Variants in HUS1 observed in about 807,000 individuals in gnomAD.
HUS1 encodes checkpoint protein HUS1.
A neutral mutation model predicts 32.6 loss-of-function variants in HUS1; 31 were observed. That is an observed-to-expected ratio of 0.95 (90% CI 0.72 to 1.28). The LOEUF is 1.28. Ranked by LOEUF, HUS1 falls within the 50% of genes most tolerant of loss-of-function variation. The probability of loss-of-function intolerance (pLI) is 0.00; values close to 1 mark genes in which losing one functional copy is unlikely to be tolerated. For missense variants in HUS1, 340 were observed against 337.7 expected (o/e 1.01, Z -0.05); for synonymous variants, 123 against 116.6 (o/e 1.06, Z -0.36).
At chr7:47,965,515 TTCCC>T in intron 7 of HUS1, 77 bp from the exon 8 acceptor site, 1 of 1,013,884 alleles carries the variant, frequency 9.9e-7, no homozygotes, top group Non-Finnish European at 1.5e-6. Context: ...CAGAACAGCC[TTCCC>T]AGCCTGCACC....
intron 5 of HUS1, among the ~76,000 whole-genome samples, chr7:47,975,269 G>C (rs1788677139): frequency 6.8e-6 from 1 of 147,968 alleles, no homozygotes; most frequent in Non-Finnish European, 1.5e-5. Context: ...AGTGAGGTGA[G>C]ATGGCGCCAT....
intron 7 of HUS1, among the ~76,000 whole-genome samples, chr7:47,966,510 C>T (rs546082032): frequency 6.6e-6 from 1 of 152,086 alleles, no homozygotes; most frequent in South Asian, 2.1e-4. Flanking sequence ...AGCGCAGGGG[C>T]CCCCCACACC....
intron 5 of HUS1, chr7:47,971,605 A>G (rs1788602235): frequency 2.2e-6 from 1 of 455,368 alleles, no homozygotes; most frequent in South Asian, 1.6e-5. Context: ...ATTTCCTCCT[A>G]AAAGAACCAG....
intron 4 of HUS1, 144 bp from the exon 5 acceptor site, chr7:47,975,831 T>C (rs1008064824): frequency 7.0e-6 from 4 of 571,730 alleles, no homozygotes; most frequent in Non-Finnish European, 1.2e-5. Flanking sequence ...ATAAAGTTCT[T>C]TTAAAAATAT....
At chr7:47,968,953 T>C in intron 6 of HUS1, 1 of 337,772 alleles carries the variant, frequency 3.0e-6, no homozygotes, top group Non-Finnish European at 5.3e-6. Context: ...TCTTGGAGGT[T>C]ATGTAACTTG....
At position 47,974,694 on chromosome 7, in the gene HUS1, A is replaced by T. The variant is rs571179234; in HGVS notation, c.540+919T>A. 9.2e-5 allele frequency among the ~76,000 whole-genome samples: 14 copies of T among 151,804 alleles called. No homozygotes were observed. In the South Asian group the frequency reaches 2.3e-3, roughly 25 times the overall value. ...ATAGGAGGGAGCAGGGGGAGGAGGG[A>T]GGGGCAGTGAGTGAAGGAAGAATTC... On this transcript the variant is annotated intron_variant, in intron 5 of 7. Coordinates refer to ENST00000258774, the MANE Select transcript of HUS1 (RefSeq NM_004507.4).
intron 7 of HUS1, among the ~76,000 whole-genome samples, chr7:47,967,349 T>TA (rs1466358734): frequency 1.3e-5 from 2 of 152,064 alleles, no homozygotes; most frequent in East Asian, 1.9e-4. Flanking sequence ...AAGGGACAGA[T>TA]ATGGGGCAGC....
Position 47,965,188 on chromosome 7 carries a change from A to C in HUS1, c.*168T>G, listed in dbSNP as rs1487927881. 5.6e-6 allele frequency: 3 copies of C among 531,708 alleles called. No individual in the cohort carries two copies. The highest frequency in any genetic ancestry group is 1.0e-5 in the Non-Finnish European group (3 of 293,646). 32.9% of individuals were successfully genotyped at this position (531,708 alleles called of 1,614,324 possible). On this transcript the variant is annotated 3_prime_UTR_variant, in exon 8 of 8. Transcript: ENST00000258774. ...CAACATGAAGTGATATGTTTATCCA[A>C]CTGTGTGTTGTTGAATCAACTTTTA... is the stretch of plus-strand genomic sequence containing the variant.
chr7:47,975,562 G>A (rs1187021755), intron 5 of HUS1, 51 bp downstream of exon 5: 7 of 1,220,050 alleles, frequency 5.7e-6, no homozygotes, highest in African/African-American at 1.5e-5. Context: ...GAGAACCCAC[G>A]CCGTCCCACC....
chr7:47,966,129 A>G (rs1440503925), intron 7 of HUS1, among the ~76,000 whole-genome samples: 2 of 51,032 alleles, frequency 3.9e-5, no homozygotes, highest in African/African-American at 2.6e-4. Flanking sequence ...CAGAAAGGAC[A>G]AGCAGGAGAC....
rs1397613732 is a variant in HUS1 at position 47,979,452 on chromosome 7, C to T, written c.52+16G>A. On this transcript the variant is annotated intron_variant, in intron 1 of 7. Transcript: ENST00000258774. ...CTTCCGTTCCTCCCTCGCTCCTCTC[C>T]GGCCTCCCTGCTCACGTGTGAAGTG... 1 of 1,613,438 alleles carries T rather than the reference C, an allele frequency of 6.2e-7. No homozygotes were observed. The highest frequency in any genetic ancestry group is 1.3e-5 in the African/African-American group (1 of 75,050).
chr7:47,979,454 G>A lies in HUS1; in HGVS notation c.52+14C>T, dbSNP rs2307259. 85 of 1,613,146 alleles carry A rather than the reference G, an allele frequency of 5.3e-5. No individual in the cohort carries two copies. The highest frequency in any genetic ancestry group is 3.3e-5 in the Admixed American group (2 of 59,986). ...TCCGTTCCTCCCTCGCTCCTCTCCG[G>A]CCTCCCTGCTCACGTGTGAAGTGGT... On this transcript the variant is annotated intron_variant, in intron 1 of 7. Transcript: ENST00000258774.
intron 5 of HUS1, chr7:47,971,474 T>TACCCACCCCAACA (rs1345465005): frequency 1.8e-5 from 8 of 456,576 alleles, no homozygotes; most frequent in African/African-American, 1.6e-4. Flanking sequence ...GAAGCTCCTC[T>TACCCACCCCAACA]ACCCACCCCA....
intron 4 of HUS1, 32 bp downstream of exon 4, chr7:47,976,698 G>A: frequency 1.8e-6 from 2 of 1,114,162 alleles, no homozygotes; most frequent in Non-Finnish European, 2.8e-6. Flanking sequence ...ATTTAATGTG[G>A]GGTGTACAGC....
At chr7:47,974,300 C>G (rs1334895910) in intron 5 of HUS1, among the ~76,000 whole-genome samples, 1 of 152,094 alleles carries the variant, frequency 6.6e-6, no homozygotes, top group South Asian at 2.1e-4. Flanking sequence ...TGGTGGTTCA[C>G]GAGACCTTCA....
chr7:47,969,818 T>G (rs1788557567), intron 5 of HUS1, among the ~76,000 whole-genome samples: 1 of 152,122 alleles, frequency 6.6e-6, no homozygotes, highest in Non-Finnish European at 1.5e-5. Context: ...GTCCTGGGGA[T>G]GTGGTGAGGA....
chr7:47,975,191 G>A (rs1177039009), intron 5 of HUS1, among the ~76,000 whole-genome samples: 5 of 151,866 alleles, frequency 3.3e-5, no homozygotes, highest in African/African-American at 4.8e-5. Flanking sequence ...GGTGGCAGGC[G>A]CCTGTAGTCC....
intron 6 of HUS1, chr7:47,968,882 C>A: frequency 1.1e-5 from 2 of 174,928 alleles, no homozygotes; most frequent in Non-Finnish European, 2.3e-5. Flanking sequence ...TTTCTGAATC[C>A]ATGCCAGGTG....
In HUS1 at chr7:47,978,678, C is replaced by A. The variant is rs367579212; in HGVS notation, c.180+11G>T. On this transcript the variant is annotated intron_variant, in intron 2 of 7. Coordinates refer to ENST00000258774, the MANE Select transcript of HUS1 (RefSeq NM_004507.4). ...GCAGAGTGTGCAGGCCTCTCAGAAG[C>A]TTTTGCTCACCTGTTCCAGCTCACA... 8.7e-6 allele frequency: 14 copies of A among 1,613,894 alleles called. No individual in the cohort carries two copies. Among genetic ancestry groups the A allele is most frequent in the Admixed American group, 1.7e-5 (1 of 59,984 alleles).
Sources: gnomAD v4.1 joint callset for allele counts (sites outside exome capture counted in the v4.1 genomes callset) on GRCh38, gnomAD v4.1.1 for gene constraint, MANE v1.5 for transcripts, NCBI Gene and HGNC (gene_info 2026-07-23, HGNC 2026-07-21) for gene names.